KLHL2: variants seen among roughly 807,000 people sequenced by gnomAD.
KLHL2 encodes the protein kelch like family member 2, also known as kelch-like protein 2.
KLHL2 carries 15 observed loss-of-function variants against 75.8 expected under a neutral mutation model. The ratio of observed to expected loss-of-function variants is 0.20; its 90% CI spans 0.13 to 0.30. The LOEUF (loss-of-function observed/expected upper bound fraction) is 0.30. Among genes scored for constraint, KLHL2 ranks in the 10% least tolerant of loss-of-function variants. KLHL2 has a pLI of 1.00. For synonymous variants in KLHL2, 214 were observed against 251.9 expected, an observed-to-expected ratio of 0.85 and a Z score of 1.42; for missense variants, 381 against 741.0, an observed-to-expected ratio of 0.51 and a Z score of 5.64.
At chr4:165,239,386 C>A (rs921753672) in intron 4 of KLHL2, among the ~76,000 whole-genome samples, 11 of 151,918 alleles carry the variant, frequency 7.2e-5, no homozygotes, top group Non-Finnish European at 1.3e-4. Context: ...CTGCAGCCTC[C>A]CAGCTACTTG....
At chr4:165,256,942 A>T (rs1227079386) in intron 4 of KLHL2, among the ~76,000 whole-genome samples, 9 of 152,220 alleles carry the variant, frequency 5.9e-5, no homozygotes, top group Non-Finnish European at 1.3e-4. Flanking sequence ...TTTCCAAGTC[A>T]TTAAATATTT....
chr4:165,305,810 ATCTCTATC>A, intron 9 of KLHL2, 85 bp downstream of exon 9: 3 of 942,950 alleles, frequency 3.2e-6, no homozygotes, highest in African/African-American at 3.3e-5. Flanking sequence ...AATTAGAAAA[ATCTCTATC>A]AAAAAAGCTT....
Position 165,297,677 on chromosome 4 carries a change from G to A in KLHL2, c.723G>A (p.Leu241=). The change falls in exon 7 of 15, where the codon CTG becomes CTA. Residue 241 remains leucine, a synonymous_variant. Transcript: ENST00000226725. ...KDVRQEFMAR[L]MEHVRLPLLP... ...TGAGGCAAGAGTTTATGGCCCGACT[G>A]ATGGAACATGTACGGTTACCTTTGC... 1 of 1,613,968 alleles carries A rather than the reference G, an allele frequency of 6.2e-7. No homozygotes were observed. The highest frequency in any genetic ancestry group is 8.5e-7 in the Non-Finnish European group (1 of 1,179,850).
chr4:165,272,659 T>G (rs894649646), intron 5 of KLHL2, among the ~76,000 whole-genome samples: 4 of 152,006 alleles, frequency 2.6e-5, no homozygotes, highest in Admixed American at 6.5e-5. Flanking sequence ...CAAACATAGT[T>G]CATATGATGT....
At chr4:165,273,432 A>G (rs940165225) in intron 5 of KLHL2, among the ~76,000 whole-genome samples, 5 of 152,218 alleles carry the variant, frequency 3.3e-5, no homozygotes, top group African/African-American at 1.2e-4. Context: ...GAATAATACT[A>G]TAAAACAGTT....
chr4:165,217,341 C>A (rs529038680), intron 1 of KLHL2, among the ~76,000 whole-genome samples: 13 of 152,276 alleles, frequency 8.5e-5, no homozygotes, highest in African/African-American at 1.9e-4. Flanking sequence ...GAATATCTGT[C>A]TTATACTATA....
chr4:165,241,721 C>T (rs1446008304), intron 4 of KLHL2, among the ~76,000 whole-genome samples: 5 of 152,070 alleles, frequency 3.3e-5, no homozygotes, highest in East Asian at 1.9e-4. Context: ...AGTCAGTTGG[C>T]GACAGAACAG....
At chr4:165,307,085 C>T (rs1032071194) in intron 9 of KLHL2, among the ~76,000 whole-genome samples, 8 of 151,980 alleles carry the variant, frequency 5.3e-5, no homozygotes, top group South Asian at 4.2e-4. Context: ...CAAGGTGGGC[C>T]GATCACAAGG....
At chr4:165,267,111 GCTCT>G (rs1289189504) in intron 5 of KLHL2, among the ~76,000 whole-genome samples, 1 of 151,512 alleles carries the variant, frequency 6.6e-6, no homozygotes, top group Non-Finnish European at 1.5e-5. Flanking sequence ...TCATGATTTG[GCTCT>G]CTATTATTGG....
At chr4:165,302,896 CTTTT>C (rs1397817354) in intron 8 of KLHL2, among the ~76,000 whole-genome samples, 2 of 152,130 alleles carry the variant, frequency 1.3e-5, no homozygotes, top group African/African-American at 4.8e-5. Flanking sequence ...TTACTTTTAA[CTTTT>C]CCTTACAAAA....
At chr4:165,251,701 C>T (rs1740722809) in intron 4 of KLHL2, among the ~76,000 whole-genome samples, 1 of 149,842 alleles carries the variant, frequency 6.7e-6, no homozygotes, top group Admixed American at 6.6e-5. Flanking sequence ...GCTCCGCCTC[C>T]CGGGTTCACG....
At chr4:165,320,568 A>G (rs905347301) in intron 14 of KLHL2, among the ~76,000 whole-genome samples, 1 of 152,226 alleles carries the variant, frequency 6.6e-6, no homozygotes. Flanking sequence ...TAGGAACCTT[A>G]AAGTTTCATT....
At chr4:165,224,471 C>A (rs1373421292) in intron 2 of KLHL2, among the ~76,000 whole-genome samples, 1 of 152,198 alleles carries the variant, frequency 6.6e-6, no homozygotes, top group African/African-American at 2.4e-5. Context: ...TTCATAACAG[C>A]AGTTCTTAAC....
At chr4:165,244,504 A>C (rs1294463944) in intron 4 of KLHL2, among the ~76,000 whole-genome samples, 1 of 152,240 alleles carries the variant, frequency 6.6e-6, no homozygotes, top group East Asian at 1.9e-4. Flanking sequence ...GTGGGTAAAC[A>C]TTGAAATGAA....
chr4:165,219,659 T>C (rs1472788440), intron 1 of KLHL2: 17 of 1,165,146 alleles, frequency 1.5e-5, no homozygotes, highest in South Asian at 1.0e-4. Flanking sequence ...TTTGGAGATA[T>C]CTGCTAAGCC....
At chr4:165,277,981 G>A (rs771019892) in intron 5 of KLHL2, 1 of 1,256,500 alleles carries the variant, frequency 8.0e-7, no homozygotes, top group Non-Finnish European at 1.2e-6. Flanking sequence ...GAGTTGGTAG[G>A]TTTTATGGAA....
chr4:165,218,215 C>T lies in KLHL2; in HGVS notation c.27-1719C>T, dbSNP rs150921138. On this transcript the variant is annotated intron_variant, in intron 1 of 14. Transcript: ENST00000226725. ...AGCAGCCAAAGTGGTCTTTGGAAAA[C>T]GTAAGTCGGATTGTATCACTCTTTT... Among the ~76,000 whole-genome samples the T allele has an allele frequency of 1.2e-4, 18 of 152,200 alleles. 1 individual carries two copies. In the Middle Eastern group the frequency reaches 0.01, roughly 86 times the overall value.
chr4:165,314,065 G>T lies in KLHL2; in HGVS notation c.1508G>T (p.Gly503Val). The T allele has an allele frequency of 6.2e-7, 1 of 1,613,742 alleles. No individual in the cohort carries two copies. Among genetic ancestry groups the T allele is most frequent in the Non-Finnish European group, 8.5e-7 (1 of 1,179,750 alleles). Residue 503 changes from glycine (G) to valine (V), a missense_variant, in exon 13 of 15, where the codon GGT becomes GTT. Physicochemically the swap from Gly to Val is moderately radical, Grantham distance 109. Coordinates refer to ENST00000226725, the MANE Select transcript of KLHL2 (RefSeq NM_007246.4). ...VLNNLLYAVG[G>V]HDGPLVRKSV... is the part of the protein sequence containing the mutation. Reference sequence around the variant, plus strand: ...AACAATTTATTGTATGCTGTAGGAGGTCATGATGGCCCTTTAGTACGAAAA... The same window carrying T: ...AACAATTTATTGTATGCTGTAGGAGTTCATGATGGCCCTTTAGTACGAAAA...
At chr4:165,316,202 C>G (rs942629508) in intron 13 of KLHL2, among the ~76,000 whole-genome samples, 2 of 152,172 alleles carry the variant, frequency 1.3e-5, no homozygotes, top group Non-Finnish European at 2.9e-5. Flanking sequence ...ACCTCCCTTT[C>G]TGCAGTGGGA....
Sources: gnomAD v4.1 joint callset for allele counts (sites outside exome capture counted in the v4.1 genomes callset) on GRCh38, gnomAD v4.1.1 for gene constraint, MANE v1.5 for transcripts, NCBI Gene and HGNC (gene_info 2026-07-23, HGNC 2026-07-21) for gene names.